The following CCDC73 variants were observed in gnomAD, a reference collection of about 807,000 sequenced individuals.
CCDC73 encodes coiled-coil domain-containing protein 73.
In CCDC73, 95 loss-of-function variants were observed where a neutral mutation model predicts 116.5. The observed-to-expected ratio is 0.82, with a 90% CI of 0.69 to 0.97. The LOEUF is 0.97. Ranked by LOEUF, CCDC73 falls within the 50% of genes least tolerant of loss-of-function variation. The probability of loss-of-function intolerance (pLI) is 0.00; values close to 1 mark genes in which losing one functional copy is unlikely to be tolerated. For missense variants in CCDC73, 1,066 were observed against 1,206.8 expected (o/e 0.88, Z 1.73); for synonymous variants, 398 against 401.3 (o/e 0.99, Z 0.10).
At chr11:32,830,570 T>C in the CCDC73 span, 1 of 1,609,570 alleles carries the variant, frequency 6.2e-7, no homozygotes, top group South Asian at 1.1e-5. Context: ...CTGCCCACAG[T>C]TACCCTGGGG....
chr11:32,658,266 C>G (rs767441074), intron 9 of CCDC73, among the ~76,000 whole-genome samples: 5 of 152,158 alleles, frequency 3.3e-5, no homozygotes, highest in African/African-American at 1.2e-4. Context: ...GTTCATTAAT[C>G]TTTTCTCAAT....
chr11:32,755,547 A>ATG, intron 2 of CCDC73, among the ~76,000 whole-genome samples: 1 of 93,862 alleles, frequency 1.1e-5, no homozygotes, highest in East Asian at 6.7e-4. Flanking sequence ...ATATATATAT[A>ATG]TATATATATA....
At chr11:32,784,695 G>A (rs1220602391) in intron 1 of CCDC73, among the ~76,000 whole-genome samples, 2 of 152,168 alleles carry the variant, frequency 1.3e-5, no homozygotes, top group African/African-American at 4.8e-5. Context: ...AATGGCAGGA[G>A]AGATCTTTTT....
intron 2 of CCDC73, 77 bp from the exon 3 acceptor site, chr11:32,718,224 A>G: frequency 2.2e-6 from 2 of 918,420 alleles, no homozygotes. Flanking sequence ...TTCTGGAGAG[A>G]TATAGAAATA....
At chr11:32,773,855 A>G (rs1176660218) in intron 1 of CCDC73, among the ~76,000 whole-genome samples, 1 of 152,048 alleles carries the variant, frequency 6.6e-6, no homozygotes, top group Non-Finnish European at 1.5e-5. Flanking sequence ...TGATCAGGTA[A>G]CAAAACAGAT....
chr11:32,631,605 A>AGGAAGGGAAGGGAAG (rs1260792209), intron 14 of CCDC73, among the ~76,000 whole-genome samples: 3 of 126,208 alleles, frequency 2.4e-5, no homozygotes, highest in Non-Finnish European at 3.6e-5. Context: ...AAGGAAGGAA[A>AGGAAGGGAAGGGAAG]GGAAGGGAAG....
chr11:32,685,960 T>C (rs1856195455), intron 6 of CCDC73, among the ~76,000 whole-genome samples: 1 of 151,964 alleles, frequency 6.6e-6, no homozygotes, highest in South Asian at 2.1e-4. Context: ...GACCTCGTGA[T>C]CTGCCTGCCT....
intron 1 of CCDC73, among the ~76,000 whole-genome samples, chr11:32,788,108 T>A (rs558556418): frequency 2.0e-5 from 3 of 152,230 alleles, no homozygotes; most frequent in African/African-American, 7.2e-5. Context: ...TGTATTCTCA[T>A]ACTGCCAGAT....
chr11:32,744,261 C>T (rs370227203), intron 2 of CCDC73, among the ~76,000 whole-genome samples: 31 of 152,314 alleles, frequency 2.0e-4, no homozygotes, highest in Middle Eastern at 3.4e-3. Context: ...ATGAAGACAA[C>T]TTGATCATGG....
At chr11:32,623,471 C>T in intron 14 of CCDC73, among the ~76,000 whole-genome samples, 1 of 152,126 alleles carries the variant, frequency 6.6e-6, no homozygotes, top group East Asian at 1.9e-4. Flanking sequence ...CTCCTCTTAC[C>T]TCCCTAGTAG....
chr11:32,611,263 T>C lies in CCDC73; in HGVS notation c.2899A>G (p.Thr967Ala), dbSNP rs1211313216. ...DDVGKDIGPD[T>A]TSINRVADTL... ...TCAGCAACTCTGTTAATGCTGGTAG[T>C]ATCTGATTGATAAAGAGGAAATGGC... is the stretch of plus-strand genomic sequence containing the variant. Residue 967 changes from threonine (T) to alanine (A), a missense_variant and splice_region_variant, in exon 17 of 18, where the codon ACT (threonine) becomes GCT (alanine). Physicochemically the swap from Thr to Ala is moderately conservative, Grantham distance 58 (BLOSUM62 0). Transcript: ENST00000335185. 6 of 1,611,536 alleles carry C rather than the reference T, an allele frequency of 3.7e-6. No individual in the cohort carries two copies. The highest frequency in any genetic ancestry group is 2.5e-6 in the Non-Finnish European group (3 of 1,179,112).
At chr11:32,780,032 G>T (rs958243831) in intron 1 of CCDC73, among the ~76,000 whole-genome samples, 3 of 152,302 alleles carry the variant, frequency 2.0e-5, no homozygotes, top group Non-Finnish European at 1.5e-5. Context: ...TCAGCACTTT[G>T]GGAGGCCGAG....
chr11:32,774,672 T>A (rs1850518623), intron 1 of CCDC73, among the ~76,000 whole-genome samples: 1 of 152,080 alleles, frequency 6.6e-6, no homozygotes, highest in Admixed American at 6.6e-5. Flanking sequence ...AATAAAAAAA[T>A]AAAAACATTG....
chr11:32,727,909 T>C lies in CCDC73; in HGVS notation c.136-9762A>G, dbSNP rs560715606. On this transcript the variant is annotated intron_variant, in intron 2 of 17. Coordinates refer to ENST00000335185, the MANE Select transcript of CCDC73 (RefSeq NM_001008391.4). Reference sequence around the variant, plus strand: ...CTGTGATTTTTCTAAGGGTGATTTTTCTATTTCTCCTTTTCCTCCTACATT... The same window carrying C: ...CTGTGATTTTTCTAAGGGTGATTTTCCTATTTCTCCTTTTCCTCCTACATT... 1.5e-4 allele frequency among the ~76,000 whole-genome samples: 23 copies of C among 152,206 alleles called. No individual in the cohort carries two copies. The South Asian group carries it at 4.6e-3, about 30-fold the overall frequency.
At chr11:32,668,739 C>T (rs1797651867) in intron 9 of CCDC73, among the ~76,000 whole-genome samples, 1 of 152,144 alleles carries the variant, frequency 6.6e-6, no homozygotes. Flanking sequence ...CCATGTTACA[C>T]ATAGATGTTT....
intron 17 of CCDC73, among the ~76,000 whole-genome samples, chr11:32,606,528 C>T (rs1855353214): frequency 6.6e-6 from 1 of 152,210 alleles, no homozygotes; most frequent in Non-Finnish European, 1.5e-5. Flanking sequence ...TACCATAGTA[C>T]TTGGCACATA....
At chr11:32,738,070 A>G (rs1590167) in intron 2 of CCDC73, among the ~76,000 whole-genome samples, 4,283 of 152,308 alleles carry the variant, frequency 0.028, 184 homozygotes, top group African/African-American at 0.095. Context: ...TACACTGTGT[A>G]TATGTACCAC....
At chr11:32,617,386 T>A (rs578099700) in intron 14 of CCDC73, among the ~76,000 whole-genome samples, 1 of 151,662 alleles carries the variant, frequency 6.6e-6, no homozygotes, top group South Asian at 2.1e-4. Context: ...CAGTACCTAC[T>A]ATTATACACT....
At chr11:32,784,478 G>A (rs1033166265) in intron 1 of CCDC73, among the ~76,000 whole-genome samples, 3 of 152,174 alleles carry the variant, frequency 2.0e-5, no homozygotes, top group East Asian at 1.9e-4. Context: ...TGCTACAACC[G>A]TTTATGGAGG....
Sources: gnomAD v4.1 joint callset for allele counts (sites outside exome capture counted in the v4.1 genomes callset) on GRCh38, gnomAD v4.1.1 for gene constraint, MANE v1.5 for transcripts, NCBI Gene and HGNC (gene_info 2026-07-23, HGNC 2026-07-21) for gene names.